The following BCAS3 variants were observed in gnomAD, a reference collection of about 807,000 sequenced individuals.
BCAS3 encodes the protein BCAS3 microtubule associated cell migration factor, also known as BCAS4/BCAS3 fusion.
A neutral mutation model predicts 116.1 loss-of-function variants in BCAS3; 53 were observed. The observed-to-expected ratio is 0.46, with a 90% confidence interval of 0.37 to 0.57. BCAS3 has a LOEUF of 0.57. BCAS3 is among the 20% of genes least tolerant of loss of function. The pLI is 0.00. For synonymous variants in BCAS3, 391 were observed against 408.2 expected, an observed-to-expected ratio of 0.96 and a Z score of 0.51; for missense variants, 917 against 1,165.4, an observed-to-expected ratio of 0.79 and a Z score of 3.10.
At chr17:60,780,922 G>C (rs77788144) in intron 6 of BCAS3, among the ~76,000 whole-genome samples, 1 of 152,080 alleles carries the variant, frequency 6.6e-6, no homozygotes, top group African/African-American at 2.4e-5. Flanking sequence ...AAATTTTGAC[G>C]CTTTAAAGTA....
chr17:61,015,464 ATT>A (rs1322564565), intron 15 of BCAS3, among the ~76,000 whole-genome samples: 2 of 151,976 alleles, frequency 1.3e-5, no homozygotes, highest in Non-Finnish European at 2.9e-5. Context: ...AATTTTTGAT[ATT>A]TTTTGTAGAG....
intron 12 of BCAS3, among the ~76,000 whole-genome samples, chr17:60,917,492 A>G (rs1417650010): frequency 6.6e-6 from 1 of 152,162 alleles, no homozygotes; most frequent in Non-Finnish European, 1.5e-5. Flanking sequence ...TCAGAATTTC[A>G]TACTTTTTAA....
chr17:61,159,114 CT>C (rs1243550518), intron 22 of BCAS3, among the ~76,000 whole-genome samples: 1 of 151,998 alleles, frequency 6.6e-6, no homozygotes, highest in Non-Finnish European at 1.5e-5. Flanking sequence ...TTTTTCTTTT[CT>C]TTTTTCCTTT....
intron 3 of BCAS3, among the ~76,000 whole-genome samples, chr17:60,688,588 G>A (rs2034399887): frequency 6.6e-6 from 1 of 152,058 alleles, no homozygotes; most frequent in African/African-American, 2.4e-5. Context: ...CCGAGGCGGG[G>A]CGGATCACCT....
chr17:60,868,446 T>TA (rs1567749446), intron 7 of BCAS3, 130 bp from the exon 8 acceptor site: 1 of 520,986 alleles, frequency 1.9e-6, no homozygotes, highest in Non-Finnish European at 3.1e-6. Context: ...ATTTTTGGGA[T>TA]AAGTTTTGAA....
chr17:60,803,790 A>C (rs1598826191), intron 6 of BCAS3, among the ~76,000 whole-genome samples: 2 of 130,722 alleles, frequency 1.5e-5, no homozygotes, highest in African/African-American at 5.6e-5. Flanking sequence ...ATAAGTAACT[A>C]TTACGATTTT....
intron 7 of BCAS3, among the ~76,000 whole-genome samples, chr17:60,819,997 T>G (rs998456094): frequency 2.6e-5 from 4 of 152,042 alleles, no homozygotes; most frequent in Non-Finnish European, 4.4e-5. Flanking sequence ...TGAAGAGGGT[T>G]AGCAACAGGA....
intron 22 of BCAS3, among the ~76,000 whole-genome samples, chr17:61,280,620 T>C (rs2051156806): frequency 6.6e-6 from 1 of 152,206 alleles, no homozygotes; most frequent in African/African-American, 2.4e-5. Flanking sequence ...AGTGTGGTTG[T>C]ATAGATTTGA....
Position 61,199,525 on chromosome 17 carries a change from A to AT in BCAS3, c.2425+114968dup. Among the ~76,000 whole-genome samples, 1 of 152,280 alleles carries AT rather than the reference A, an allele frequency of 6.6e-6. No homozygotes were observed. The highest frequency in any genetic ancestry group is 2.1e-4 in the South Asian group (1 of 4,808). ...ATTCATTTTTATTATCTAATCACAT[A>AT]TTTTTTTCCCTTCTAATTTGTGCCC... On this transcript the variant is annotated intron_variant, in intron 22 of 23. Coordinates refer to ENST00000407086, the MANE Select transcript of BCAS3 (RefSeq NM_017679.5). This position sits in a 1 kb window ranked among gnomAD's most constrained non-coding sequence, Gnocchi z 4.6.
chr17:60,743,429 T>C (rs2041765182), intron 5 of BCAS3, among the ~76,000 whole-genome samples: 2 of 152,114 alleles, frequency 1.3e-5, no homozygotes, highest in Admixed American at 1.3e-4. Context: ...CAGAGGTACG[T>C]TAACATTTAA....
At chr17:61,177,522 G>A (rs12951741) in intron 22 of BCAS3, among the ~76,000 whole-genome samples, 96,951 of 152,048 alleles carry the variant, frequency 0.64, 34,718 homozygotes, top group South Asian at 0.86. Flanking sequence ...CTGAAAGCAA[G>A]AAGTGGTTTC....
chr17:60,799,689 T>G (rs1456412790), intron 6 of BCAS3, among the ~76,000 whole-genome samples: 2 of 144,800 alleles, frequency 1.4e-5, no homozygotes, highest in Non-Finnish European at 3.0e-5. Context: ...CCACTACGCC[T>G]GGCTAATTTT....
chr17:61,038,058 G>T lies in BCAS3; in HGVS notation c.1928+4G>T. ...GAGCCAGCTGGACTCTGGTTAGGTA[G>T]TACCTCTTTTCTTTTTTTCTTTTTA... On this transcript the variant is annotated splice_donor_region_variant and intron_variant, in intron 18 of 23. Coordinates refer to ENST00000407086, the MANE Select transcript of BCAS3 (RefSeq NM_017679.5). 1 of 1,607,536 alleles carries T rather than the reference G, an allele frequency of 6.2e-7. No individual in the cohort carries two copies. The highest frequency in any genetic ancestry group is 1.7e-4 in the Middle Eastern group (1 of 6,002).
At chr17:60,793,096 T>TTTAA (rs1296678594) in intron 6 of BCAS3, among the ~76,000 whole-genome samples, 9 of 152,084 alleles carry the variant, frequency 5.9e-5, no homozygotes, top group Non-Finnish European at 8.8e-5. Flanking sequence ...TTTTTAAATT[T>TTTAA]TTAATTAATT....
In BCAS3 at chr17:61,146,852, G is replaced by A. The variant is rs57056319; in HGVS notation, c.2425+62288G>A. 0.012 allele frequency among the ~76,000 whole-genome samples: 1,889 copies of A among 152,224 alleles called. 93 individuals carry two copies. The East Asian group carries it at 0.17, about 14-fold the overall frequency. ...TTCAGAGGGGAACATGCACTTGCTAGAGAAAATGAAAATATTTCAAACCCA... is the reference window on the plus strand; with the variant it reads ...TTCAGAGGGGAACATGCACTTGCTAAAGAAAATGAAAATATTTCAAACCCA... On this transcript the variant is annotated intron_variant, in intron 22 of 23. Transcript: ENST00000407086.
intron 20 of BCAS3, among the ~76,000 whole-genome samples, chr17:61,075,895 G>T (rs1321926407): frequency 6.6e-6 from 1 of 152,066 alleles, no homozygotes; most frequent in Non-Finnish European, 1.5e-5. Context: ...CTGCAGGCAC[G>T]CATCACCATG....
At chr17:61,018,320 G>A (rs1164400841) in intron 16 of BCAS3, among the ~76,000 whole-genome samples, 2 of 10,176 alleles carry the variant, frequency 2.0e-4, no homozygotes, top group Non-Finnish European at 5.4e-4. Context: ...TTTTTTTTTT[G>A]AGACGTAGTC....
At chr17:60,683,843 A>AAACAT (rs1340164094) in intron 2 of BCAS3, 139 bp from the exon 3 acceptor site, 7 of 755,598 alleles carry the variant, frequency 9.3e-6, no homozygotes, top group Non-Finnish European at 1.5e-5. Flanking sequence ...AAACAAAACA[A>AAACAT]AACAAAACAA....
intron 6 of BCAS3, among the ~76,000 whole-genome samples, chr17:60,761,713 AT>A (rs2043553980): frequency 1.3e-5 from 2 of 151,668 alleles, no homozygotes; most frequent in Non-Finnish European, 1.5e-5. Flanking sequence ...TCCTTTGGGT[AT>A]ATACCCAGTA....
Sources: allele counts gnomAD v4.1 joint callset (sites outside exome capture counted in the v4.1 genomes callset), GRCh38; gene constraint gnomAD v4.1.1; non-coding constraint Gnocchi (gnomAD v3.1); transcripts MANE v1.5; gene names NCBI Gene and HGNC (gene_info 2026-07-23, HGNC 2026-07-21).